INTS13: variants seen among roughly 807,000 people sequenced by gnomAD.
INTS13 encodes the protein integrator complex subunit 13.
In INTS13, 35 loss-of-function variants were observed where a neutral mutation model predicts 90.2. The observed-to-expected ratio is 0.39, with a 90% CI of 0.30 to 0.51. INTS13 has a LOEUF of 0.51. Among genes scored for constraint, INTS13 ranks in the 20% least tolerant of loss-of-function variants. The pLI is 0.80. For missense variants in INTS13, 601 were observed against 851.2 expected (o/e 0.71, Z 3.66); for synonymous variants, 309 against 277.1 (o/e 1.11, Z -1.14).
chr12:26,928,633 C>G (rs2029309), intron 4 of INTS13, 70 bp downstream of exon 4: 1,165,025 of 1,471,546 alleles, frequency 0.79, 463,889 homozygotes, highest in East Asian at 1. Context: ...GCTGTCTCTA[C>G]TATTCTGAAA....
In INTS13 at chr12:26,905,318, A is replaced by C; in HGVS notation, c.*179T>G. 1 of 561,300 alleles carries C rather than the reference A, an allele frequency of 1.8e-6. No homozygotes were observed. Among genetic ancestry groups the C allele is most frequent in the Non-Finnish European group, 3.1e-6 (1 of 327,740 alleles). 34.8% of individuals were successfully genotyped at this position (561,300 alleles called of 1,614,324 possible). On this transcript the variant is annotated 3_prime_UTR_variant, in exon 17 of 17. Transcript: ENST00000261191. ...TGGGAGGACAAATCATCTCAAATGT[A>C]TATTTTTGAATTATGTGCCAATTTT...
chr12:26,908,817 T>C (rs1951688146), intron 15 of INTS13, among the ~76,000 whole-genome samples: 1 of 152,134 alleles, frequency 6.6e-6, no homozygotes, highest in African/African-American at 2.4e-5. Context: ...AAATAGAAAG[T>C]TACAAGGAAA....
At chr12:26,919,953 C>A (rs1469111780) in intron 8 of INTS13, among the ~76,000 whole-genome samples, 1 of 152,038 alleles carries the variant, frequency 6.6e-6, no homozygotes, top group African/African-American at 2.4e-5. Flanking sequence ...ACGGTGAAAC[C>A]CCGTCTCTAT....
chr12:26,933,169 G>T (rs1032538361), intron 3 of INTS13, among the ~76,000 whole-genome samples: 2 of 152,054 alleles, frequency 1.3e-5, no homozygotes, highest in Non-Finnish European at 2.9e-5. Context: ...GGTTAAAAGC[G>T]TCAAAAAAGC....
intron 15 of INTS13, among the ~76,000 whole-genome samples, chr12:26,909,328 T>C (rs1295394491): frequency 2.0e-5 from 3 of 152,152 alleles, no homozygotes; most frequent in African/African-American, 7.2e-5. Context: ...GCCATTGCAC[T>C]CCACCCTGGG....
Position 26,906,257 on chromosome 12 carries a change from T to C in INTS13, c.2081+45A>G, listed in dbSNP as rs778404449. 58 of 1,545,558 alleles carry C rather than the reference T, an allele frequency of 3.8e-5. No homozygotes were observed. In the South Asian group the frequency reaches 6.6e-4, roughly 18 times the overall value. ...ATAAGCAATGATTGTTAAGGTACTA[T>C]ACAGGCAATTGACAAAACCAATTTT... On this transcript the variant is annotated intron_variant, in intron 16 of 16. Coordinates refer to ENST00000261191, the MANE Select transcript of INTS13 (RefSeq NM_018164.3).
intron 13 of INTS13, 140 bp from the exon 14 acceptor site, chr12:26,913,827 C>T (rs1951858958): frequency 1.8e-6 from 2 of 1,102,170 alleles, no homozygotes; most frequent in South Asian, 1.5e-5. Flanking sequence ...TACAATATAT[C>T]CATTTCTATG....
At chr12:26,929,302 T>C (rs893256917) in intron 3 of INTS13, among the ~76,000 whole-genome samples, 2 of 152,170 alleles carry the variant, frequency 1.3e-5, no homozygotes, top group Non-Finnish European at 2.9e-5. Context: ...GATAACATCA[T>C]ACTTAATGGT....
chr12:26,925,135 C>A (rs1482901260), intron 6 of INTS13, among the ~76,000 whole-genome samples: 1 of 151,924 alleles, frequency 6.6e-6, no homozygotes, highest in Non-Finnish European at 1.5e-5. Context: ...ACAATGATGG[C>A]AATAATGACT....
At chr12:26,927,413 C>T (rs564872997) in intron 5 of INTS13, among the ~76,000 whole-genome samples, 2 of 151,850 alleles carry the variant, frequency 1.3e-5, no homozygotes, top group South Asian at 2.1e-4. Flanking sequence ...AGAATTGGTG[C>T]GGAAGAAAAA....
chr12:26,914,980 A>G (rs1039941381), intron 11 of INTS13, among the ~76,000 whole-genome samples: 5 of 152,228 alleles, frequency 3.3e-5, no homozygotes, highest in Admixed American at 2.6e-4. Context: ...TAATCCCAAC[A>G]CTTCAGGAGG....
chr12:26,912,183 C>T (rs576014098), intron 14 of INTS13, among the ~76,000 whole-genome samples: 2 of 152,170 alleles, frequency 1.3e-5, no homozygotes, highest in African/African-American at 4.8e-5. Flanking sequence ...GCCTGTAATC[C>T]CAAGCACTTT....
At chr12:26,922,409 C>T (rs1222410595) in intron 8 of INTS13, among the ~76,000 whole-genome samples, 1 of 152,108 alleles carries the variant, frequency 6.6e-6, no homozygotes, top group East Asian at 1.9e-4. Flanking sequence ...TTATTGATCT[C>T]CTGCTTTGCC....
At chr12:26,921,985 C>T (rs1403695217) in intron 8 of INTS13, among the ~76,000 whole-genome samples, 1 of 152,282 alleles carries the variant, frequency 6.6e-6, no homozygotes, top group South Asian at 2.1e-4. Flanking sequence ...ATACAAAATT[C>T]CAGAAATAAA....
intron 3 of INTS13, among the ~76,000 whole-genome samples, chr12:26,933,806 A>G (rs542688206): frequency 1.3e-5 from 2 of 152,334 alleles, no homozygotes; most frequent in South Asian, 4.1e-4. Context: ...GCAGTTTTGT[A>G]GAAGCATGAG....
At chr12:26,921,611 G>A (rs1426664692) in intron 8 of INTS13, among the ~76,000 whole-genome samples, 1 of 152,172 alleles carries the variant, frequency 6.6e-6, no homozygotes, top group East Asian at 1.9e-4. Context: ...ACTTTGCTGT[G>A]TCGCTTTCCG....
chr12:26,937,826 C>T lies in INTS13; in HGVS notation c.-42G>A, dbSNP rs1285974311. 6.5e-6 allele frequency: 1 copy of T among 152,772 alleles called. No homozygotes were observed. The highest frequency in any genetic ancestry group is 1.5e-5 in the Non-Finnish European group (1 of 68,150). The allele number at this position is 152,772 out of a possible 1,614,324, so 9.5% of individuals were successfully genotyped here. On this transcript the variant is annotated 5_prime_UTR_variant, in exon 1 of 17. Transcript: ENST00000261191. Reference sequence around the variant, plus strand: ...TGCCTGGTCCTGCAGTGAAAACGAACAGAGGCTATGGACCACAGCCTCTCT... The same window carrying T: ...TGCCTGGTCCTGCAGTGAAAACGAATAGAGGCTATGGACCACAGCCTCTCT...
chr12:26,913,638 C>A lies in INTS13; in HGVS notation c.1624G>T (p.Ala542Ser). 1 of 1,614,032 alleles carries A rather than the reference C, an allele frequency of 6.2e-7. No individual in the cohort carries two copies. The highest frequency in any genetic ancestry group is 8.5e-7 in the Non-Finnish European group (1 of 1,180,000). The stretch of plus-strand genomic sequence containing the variant: ...TGTTTCTCTGAGTTGTTGATATGGG[C>A]TCTGACAAGGGTTTCTAATTCATTC... ...MWNELETLVR[A>S]HINNSEKHQR... Residue 542 changes from alanine (A) to serine (S), a missense_variant, in exon 14 of 17, where the codon GCC (alanine) becomes TCC (serine). Physicochemically the swap from Ala to Ser is moderately conservative, Grantham distance 99. Around this residue, in one of 3 missense-constraint regions of INTS13, gnomAD observed 228 missense variants for 272.5 expected, o/e 0.84. Coordinates refer to ENST00000261191, the MANE Select transcript of INTS13 (RefSeq NM_018164.3).
intron 15 of INTS13, among the ~76,000 whole-genome samples, chr12:26,909,475 T>C (rs867269318): frequency 0.13 from 19,212 of 145,322 alleles, 1,392 homozygotes; most frequent in Admixed American, 0.23. Context: ...TAATACTCTT[T>C]TTTTTTTTTT....
Sources: allele counts gnomAD v4.1 joint callset (sites outside exome capture counted in the v4.1 genomes callset), GRCh38; gene constraint gnomAD v4.1.1; regional missense constraint gnomAD v4.1.1; transcripts MANE v1.5; gene names NCBI Gene and HGNC (gene_info 2026-07-23, HGNC 2026-07-21).